Variants in REDIC1 observed in about 807,000 individuals in gnomAD.
REDIC1 encodes the protein regulator of DNA class I crossover intermediates 1, also known as HEI10 Interacting Protein 1.
At chr12:39,759,787 C>CTAATA in the REDIC1 span, 2 of 474,476 alleles carry the variant, frequency 4.2e-6, no homozygotes, top group Non-Finnish European at 7.5e-6. Flanking sequence ...GCATTACACA[C>CTAATA]ATTTGCTTAA....
At chr12:39,872,851 C>T in the REDIC1 span, among the ~76,000 whole-genome samples, 1 of 152,208 alleles carries the variant, frequency 6.6e-6, no homozygotes, top group South Asian at 2.1e-4. Context: ...TGAACCATGG[C>T]TTTGCCCAGC....
the REDIC1 span, among the ~76,000 whole-genome samples, chr12:39,841,032 C>G: frequency 6.6e-6 from 1 of 152,204 alleles, no homozygotes; most frequent in South Asian, 2.1e-4. Flanking sequence ...ATTCACGGCT[C>G]TCAGACCAAA....
the REDIC1 span, among the ~76,000 whole-genome samples, chr12:39,866,013 C>T: frequency 2.0e-5 from 3 of 152,152 alleles, no homozygotes; most frequent in South Asian, 6.2e-4. Flanking sequence ...TGCACATGTA[C>T]CCCTGAAATT....
At chr12:39,876,235 G>A in the REDIC1 span, among the ~76,000 whole-genome samples, 1 of 152,120 alleles carries the variant, frequency 6.6e-6, no homozygotes. Flanking sequence ...GTGACACTCA[G>A]CTTCCAGTCC....
the REDIC1 span, among the ~76,000 whole-genome samples, chr12:39,836,072 C>T: frequency 6.6e-6 from 1 of 152,008 alleles, no homozygotes; most frequent in African/African-American, 2.4e-5. Flanking sequence ...CACAGAAAAG[C>T]CAGAGAAAGA....
At chr12:39,647,959 A>G in the REDIC1 span, 1 of 1,560,000 alleles carries the variant, frequency 6.4e-7, no homozygotes, top group Non-Finnish European at 8.7e-7. Flanking sequence ...TTGCATATGA[A>G]AAAAAGCAGA....
the REDIC1 span, among the ~76,000 whole-genome samples, chr12:39,895,465 G>A: frequency 7.6e-6 from 1 of 132,198 alleles, no homozygotes; most frequent in Non-Finnish European, 1.6e-5. Flanking sequence ...ACTCCAGCCT[G>A]GGCGACAGAG....
the REDIC1 span, among the ~76,000 whole-genome samples, chr12:39,643,592 T>G: frequency 1.3e-5 from 2 of 151,676 alleles, no homozygotes; most frequent in East Asian, 3.9e-4. Context: ...TAAAAGGCTG[T>G]GAAATTTAGT....
the REDIC1 span, among the ~76,000 whole-genome samples, chr12:39,863,679 A>G: frequency 5.9e-5 from 9 of 152,190 alleles, no homozygotes; most frequent in African/African-American, 9.7e-5. Flanking sequence ...TCTTAGAACA[A>G]TAAAAAGACT....
At chr12:39,704,983 TAGTG>T in the REDIC1 span, among the ~76,000 whole-genome samples, 5,124 of 152,164 alleles carry the variant, frequency 0.034, 302 homozygotes, top group African/African-American at 0.12. Flanking sequence ...GATGACGAGT[TAGTG>T]GGTGCAGTGC....
chr12:39,708,851 G>C, the REDIC1 span, among the ~76,000 whole-genome samples: 1 of 151,800 alleles, frequency 6.6e-6, no homozygotes, highest in South Asian at 2.1e-4. Context: ...GTTATTCTTG[G>C]ATTGTTTTTC....
At chr12:39,896,041 T>C in the REDIC1 span, among the ~76,000 whole-genome samples, 2 of 147,074 alleles carry the variant, frequency 1.4e-5, 1 homozygote, top group Non-Finnish European at 3.0e-5. Context: ...CATATGTTTA[T>C]ATACGCATGT....
chr12:39,719,860 C>T, the REDIC1 span, among the ~76,000 whole-genome samples: 2 of 152,028 alleles, frequency 1.3e-5, no homozygotes, highest in Non-Finnish European at 2.9e-5. Context: ...GGATATCCAT[C>T]CCCTTGAGTA....
the REDIC1 span, among the ~76,000 whole-genome samples, chr12:39,654,261 G>T: frequency 2.0e-5 from 3 of 151,848 alleles, no homozygotes; most frequent in Non-Finnish European, 4.4e-5. Context: ...TTATTTTCAG[G>T]TGTCAAACCA....
the REDIC1 span, among the ~76,000 whole-genome samples, chr12:39,711,543 GTATGTGCATACACATGCATGTGTA>G: frequency 0.047 from 5,252 of 111,264 alleles, 179 homozygotes; most frequent in African/African-American, 0.076. Flanking sequence ...ATACATATAT[GTATGTGCATACACATGCATGTGTA>G]TATGTGCATA....
the REDIC1 span, among the ~76,000 whole-genome samples, chr12:39,838,206 T>C: frequency 6.6e-6 from 1 of 150,572 alleles, no homozygotes; most frequent in East Asian, 2.0e-4. Context: ...ATGGATGAAA[T>C]TGGAAATCAT....
chr12:39,695,462 C>T, the REDIC1 span, among the ~76,000 whole-genome samples: 1 of 152,128 alleles, frequency 6.6e-6, no homozygotes, highest in Non-Finnish European at 1.5e-5. Flanking sequence ...GGTACGCTGG[C>T]AGTACTCCCT....
At chr12:39,643,931 A>G in the REDIC1 span, 3 of 1,508,212 alleles carry the variant, frequency 2.0e-6, no homozygotes, top group Non-Finnish European at 2.7e-6. Flanking sequence ...AGTCATTCCA[A>G]TTGCATTCTG....
the REDIC1 span, among the ~76,000 whole-genome samples, chr12:39,675,835 C>A: frequency 2.6e-5 from 4 of 152,210 alleles, no homozygotes; most frequent in South Asian, 2.1e-4. Context: ...GATAGCCTCA[C>A]TGGGGGGCTA....
Sources: gnomAD v4.1 joint callset for allele counts (sites outside exome capture counted in the v4.1 genomes callset) on GRCh38, gnomAD v4.1.1 for gene constraint, MANE v1.5 for transcripts, NCBI Gene and HGNC (gene_info 2026-07-23, HGNC 2026-07-21) for gene names.